Variants in CSMD1 observed in about 807,000 individuals in gnomAD.
The protein encoded by CSMD1 is CUB and sushi domain-containing protein 1.
Under a neutral mutation model 417.5 loss-of-function variants are expected in CSMD1, and 213 were observed. That is an observed-to-expected ratio of 0.51 (90% CI 0.46 to 0.57). The LOEUF (loss-of-function observed/expected upper bound fraction) is 0.57, where lower values mean the gene tolerates loss of function less well. Ranked by LOEUF, CSMD1 falls within the 20% of genes least tolerant of loss-of-function variation. The pLI is 0.00. For missense variants in CSMD1, 6,923 were observed against 4,529.7 expected, an observed-to-expected ratio of 1.53 and a Z score of -15.17; for synonymous variants, 2,862 against 1,736.8, an observed-to-expected ratio of 1.65 and a Z score of -16.11.
chr8:3,367,512 A>T (rs576228711), intron 19 of CSMD1, among the ~76,000 whole-genome samples: 154 of 152,070 alleles, frequency 1.0e-3, no homozygotes, highest in African/African-American at 2.8e-3. Flanking sequence ...TTGCTGAAAA[A>T]TTTTTTCTGG....
intron 1 of CSMD1, among the ~76,000 whole-genome samples, chr8:4,692,706 C>T (rs1171250349): frequency 6.6e-6 from 1 of 152,158 alleles, no homozygotes; most frequent in South Asian, 2.1e-4. Flanking sequence ...GTCCTGCAGC[C>T]TGCAAACCCC....
chr8:3,628,011 G>C (rs140061059), intron 7 of CSMD1, among the ~76,000 whole-genome samples: 24 of 152,170 alleles, frequency 1.6e-4, no homozygotes, highest in African/African-American at 5.8e-4. Flanking sequence ...GAATTCCTAT[G>C]TAAAAGATTC....
At chr8:4,190,453 G>C (rs1050368320) in intron 3 of CSMD1, among the ~76,000 whole-genome samples, 1 of 151,732 alleles carries the variant, frequency 6.6e-6, no homozygotes, top group African/African-American at 2.4e-5. Context: ...AGAATAATCA[G>C]AGCCTAACAC....
At chr8:4,192,672 C>G (rs574686637) in intron 3 of CSMD1, among the ~76,000 whole-genome samples, 5 of 152,172 alleles carry the variant, frequency 3.3e-5, no homozygotes, top group African/African-American at 1.2e-4. Flanking sequence ...CTTAAATCTG[C>G]ACTTAAATCT....
intron 57 of CSMD1, among the ~76,000 whole-genome samples, chr8:2,970,225 C>A (rs951649560): frequency 1.3e-5 from 2 of 152,164 alleles, no homozygotes; most frequent in Non-Finnish European, 2.9e-5. Context: ...CATAGCCCCA[C>A]AGAGGTGAGA....
chr8:3,346,317 G>A (rs545272753), intron 22 of CSMD1, among the ~76,000 whole-genome samples: 15 of 152,212 alleles, frequency 9.9e-5, no homozygotes, highest in South Asian at 4.1e-4. Context: ...ATTTTATGCA[G>A]TATCTCTAAT....
chr8:3,492,309 A>C (rs1473249954), intron 11 of CSMD1, among the ~76,000 whole-genome samples: 1 of 152,188 alleles, frequency 6.6e-6, no homozygotes, highest in Non-Finnish European at 1.5e-5. Flanking sequence ...TTTTCTCCTC[A>C]GAAGCCGCCC....
intron 11 of CSMD1, among the ~76,000 whole-genome samples, chr8:3,480,177 G>A (rs549796062): frequency 1.2e-4 from 19 of 152,052 alleles, no homozygotes; most frequent in South Asian, 6.2e-4. Context: ...TGGGCAACAC[G>A]GTGAAACCCC....
intron 2 of CSMD1, among the ~76,000 whole-genome samples, chr8:4,442,604 G>C (rs546777075): frequency 3.3e-5 from 5 of 152,290 alleles, no homozygotes; most frequent in African/African-American, 9.6e-5. Flanking sequence ...AAATTGGCTA[G>C]AAAAACAGAA....
intron 5 of CSMD1, among the ~76,000 whole-genome samples, chr8:3,857,125 A>T (rs2129103349): frequency 6.6e-6 from 1 of 152,342 alleles, no homozygotes; most frequent in Non-Finnish European, 1.5e-5. Flanking sequence ...AAAGTAACTA[A>T]GACAAAGTTG....
At chr8:3,772,346 TAC>T (rs1798629717) in intron 5 of CSMD1, among the ~76,000 whole-genome samples, 1 of 144,188 alleles carries the variant, frequency 6.9e-6, no homozygotes, top group African/African-American at 2.6e-5. Context: ...CATACATATA[TAC>T]ATATATTTAT....
At chr8:3,151,835 G>A (rs1186534555) in intron 39 of CSMD1, among the ~76,000 whole-genome samples, 1 of 152,214 alleles carries the variant, frequency 6.6e-6, no homozygotes, top group Non-Finnish European at 1.5e-5. Context: ...TATATTAGCT[G>A]CTACTCATTG....
intron 3 of CSMD1, among the ~76,000 whole-genome samples, chr8:4,342,586 G>C (rs1207586046): frequency 1.3e-5 from 2 of 151,782 alleles, no homozygotes; most frequent in Admixed American, 6.6e-5. Flanking sequence ...TTCCCCATAA[G>C]GTTACTGGGA....
chr8:3,276,566 C>T (rs1802308160), intron 26 of CSMD1, among the ~76,000 whole-genome samples: 1 of 152,116 alleles, frequency 6.6e-6, no homozygotes, highest in African/African-American at 2.4e-5. Flanking sequence ...ATTCGATTAC[C>T]TCCCACTGGG....
At chr8:4,455,774 T>C (rs534238409) in intron 2 of CSMD1, among the ~76,000 whole-genome samples, 7 of 150,654 alleles carry the variant, frequency 4.6e-5, no homozygotes, top group South Asian at 2.1e-4. Flanking sequence ...CTACTAAAAA[T>C]ACAAAAATTC....
Position 3,671,585 on chromosome 8 carries a change from ATATATATATG to A in CSMD1, c.1009+36819_1009+36828del, listed in dbSNP as rs1563257214. ...CATATATATATATATATATATATAT[ATATATATATG>A]ATTAGTTCTATCTCTTTAGATAACC... On this transcript the variant is annotated intron_variant, in intron 7 of 69. Transcript: ENST00000635120. Among the ~76,000 whole-genome samples the A allele has an allele frequency of 7.9e-3, 887 of 111,974 alleles. 65 individuals are homozygous for A. Among genetic ancestry groups the A allele is most frequent in the East Asian group, 0.025 (100 of 3,958 alleles). The allele number at this position is 111,974 out of a possible 152,430, so 73.5% of individuals were successfully genotyped here. A position where few individuals can be genotyped will look rare whatever the true frequency, so the allele number is the denominator to read the frequency against.
chr8:4,615,355 C>T (rs1276214462), intron 2 of CSMD1, among the ~76,000 whole-genome samples: 1 of 152,146 alleles, frequency 6.6e-6, no homozygotes, highest in Non-Finnish European at 1.5e-5. Context: ...TAATATACAG[C>T]AATGGTGTTT....
At chr8:3,343,499 T>C (rs377290800) in intron 22 of CSMD1, 49 bp from the exon 23 acceptor site, 7 of 1,512,264 alleles carry the variant, frequency 4.6e-6, no homozygotes, top group Non-Finnish European at 6.4e-6. Flanking sequence ...ACTGGATTCT[T>C]ATGTTAGCAA....
chr8:3,567,185 G>A (rs532958901), intron 10 of CSMD1, among the ~76,000 whole-genome samples: 1 of 152,092 alleles, frequency 6.6e-6, no homozygotes, highest in Non-Finnish European at 1.5e-5. Context: ...ACCAAATACT[G>A]CATGTTCTCA....
Sources: allele counts gnomAD v4.1 joint callset (sites outside exome capture counted in the v4.1 genomes callset), GRCh38; gene constraint gnomAD v4.1.1; transcripts MANE v1.5; gene names NCBI Gene and HGNC (gene_info 2026-07-23, HGNC 2026-07-21).